ZDHHC19: variants seen among roughly 807,000 people sequenced by gnomAD.
The protein encoded by ZDHHC19 is zDHHC palmitoyltransferase 19, also known as palmitoyltransferase ZDHHC19.
In ZDHHC19, 30 loss-of-function variants were observed where a neutral mutation model predicts 33.9. The ratio of observed to expected loss-of-function variants is 0.88; its 90% confidence interval spans 0.66 to 1.20. The LOEUF is 1.20. Ranked by LOEUF, ZDHHC19 falls within the 50% of genes most tolerant of loss-of-function variation. ZDHHC19 has a pLI of 0.00. For missense variants in ZDHHC19, 364 were observed against 401.1 expected (o/e 0.91, Z 0.79); for synonymous variants, 178 against 167.6 (o/e 1.06, Z -0.48).
At chr3:196,210,467 G>T in intron 2 of ZDHHC19, 149 bp downstream of exon 2, 1 of 644,344 alleles carries the variant, frequency 1.6e-6, no homozygotes, top group Non-Finnish European at 2.4e-6. Flanking sequence ...AGAGAAGAAA[G>T]AGTGAGCGAG....
intron 7 of ZDHHC19, 105 bp downstream of exon 7, chr3:196,198,171 C>T (rs2108707403): frequency 2.6e-6 from 3 of 1,169,722 alleles, no homozygotes; most frequent in East Asian, 5.9e-5. Context: ...AGCGCTCCAG[C>T]TTCAGGGTCA....
At chr3:196,202,876 T>C (rs1424242353) in intron 5 of ZDHHC19, among the ~76,000 whole-genome samples, 1 of 151,798 alleles carries the variant, frequency 6.6e-6, no homozygotes, top group African/African-American at 2.4e-5. Context: ...GAGAGCAGAG[T>C]AGAGCAGCGG....
chr3:196,206,860 A>T (rs1722776054), intron 5 of ZDHHC19, among the ~76,000 whole-genome samples: 1 of 151,888 alleles, frequency 6.6e-6, no homozygotes, highest in Non-Finnish European at 1.5e-5. Flanking sequence ...TTCTTGCCCC[A>T]GTTAGAATTG....
At position 196,209,478 on chromosome 3, in the gene ZDHHC19, C is replaced by A. The variant is rs777371760; in HGVS notation, c.306G>T (p.Val102=). 1.2e-6 allele frequency: 2 copies of A among 1,612,756 alleles called. No individual in the cohort carries two copies. Among genetic ancestry groups the A allele is most frequent in the Non-Finnish European group, 1.7e-6 (2 of 1,179,678 alleles). Reference sequence around the variant, plus strand: ...GGCGGAAGGCCCCGTGGTTCACCCACACCACGTGCACCGTCAAGGGGCCCT... The same window carrying A: ...GGCGGAAGGCCCCGTGGTTCACCCAAACCACGTGCACCGTCAAGGGGCCCT... ...AEQGPLTVHV[V]WVNHGAFRLQ... The change falls in exon 3 of 8, where the codon GTG becomes GTT. Residue 102 remains valine (V), a synonymous_variant. Transcript: ENST00000296326.
In ZDHHC19 at chr3:196,203,641, G is replaced by C. The variant is rs1473967154; in HGVS notation, c.687+3757C>G. On this transcript the variant is annotated intron_variant, in intron 5 of 7. Coordinates refer to ENST00000296326, the MANE Select transcript of ZDHHC19 (RefSeq NM_001039617.2). This position sits in a 1 kb window ranked among gnomAD's most constrained non-coding sequence, Gnocchi z 4.3. ...GCAGGCCACGTTAGGGTCCCTGGAG[G>C]CTGGAGATCCTGGATCAGGAGGGCA... 4.6e-5 allele frequency among the ~76,000 whole-genome samples: 7 copies of C among 152,226 alleles called. No homozygotes were observed. Among genetic ancestry groups the C allele is most frequent in the Non-Finnish European group, 5.9e-5 (4 of 68,040 alleles).
chr3:196,208,166 C>G (rs1464708110), intron 4 of ZDHHC19, among the ~76,000 whole-genome samples: 3 of 151,906 alleles, frequency 2.0e-5, no homozygotes, highest in Non-Finnish European at 4.4e-5. Flanking sequence ...CCCAAAGTGC[C>G]GGAATTACAG....
At chr3:196,210,822 C>A in intron 1 of ZDHHC19, 85 bp from the exon 2 acceptor site, 1 of 1,519,718 alleles carries the variant, frequency 6.6e-7, no homozygotes, top group South Asian at 1.2e-5. Flanking sequence ...GGTCAGGACC[C>A]ACAGACCTTC....
intron 3 of ZDHHC19, 192 bp from the exon 4 acceptor site, chr3:196,208,752 G>A: frequency 1.6e-6 from 1 of 642,570 alleles, no homozygotes; most frequent in Non-Finnish European, 2.7e-6. Context: ...AGCACAGTTA[G>A]GACTCTGGTA....
chr3:196,210,674 G>A lies in ZDHHC19; in HGVS notation c.210C>T (p.Val70=), dbSNP rs753095233. ...AFPVITGSLF[V]LTFFSLVSLN... The stretch of plus-strand genomic sequence containing the variant: ...GTGAAACAAGACTGAAGAAGGTAAG[G>A]ACAAAGAGGGAGCCTGTGATAACAG... The change falls in exon 2 of 8, where the codon GTC becomes GTT. Residue 70 remains valine (V), a synonymous_variant. Transcript: ENST00000296326. 1 of 1,614,090 alleles carries A rather than the reference G, an allele frequency of 6.2e-7. No individual in the cohort carries two copies. The highest frequency in any genetic ancestry group is 1.1e-5 in the South Asian group (1 of 91,070).
intron 2 of ZDHHC19, 115 bp from the exon 3 acceptor site, chr3:196,209,630 A>G: frequency 7.3e-7 from 1 of 1,364,722 alleles, no homozygotes; most frequent in East Asian, 2.5e-5. Flanking sequence ...GGGCAGGGGA[A>G]CCCCTGTCCC....
chr3:196,208,157 C>T (rs936763466), intron 4 of ZDHHC19, among the ~76,000 whole-genome samples: 35 of 151,990 alleles, frequency 2.3e-4, no homozygotes, highest in African/African-American at 8.5e-4. Context: ...CCTCGGCCTC[C>T]CAAAGTGCCG....
chr3:196,206,886 A>G (rs1044107707), intron 5 of ZDHHC19, among the ~76,000 whole-genome samples: 6 of 151,794 alleles, frequency 4.0e-5, no homozygotes, highest in African/African-American at 1.5e-4. Flanking sequence ...TCTCCATCCT[A>G]TCAACATTCC....
intron 5 of ZDHHC19, among the ~76,000 whole-genome samples, chr3:196,201,776 C>G (rs1722371661): frequency 6.6e-6 from 1 of 152,066 alleles, no homozygotes; most frequent in African/African-American, 2.4e-5. Flanking sequence ...GACTGTCCAC[C>G]TCACTGTCTC....
At chr3:196,207,734 GC>G (rs1207024392) in intron 4 of ZDHHC19, among the ~76,000 whole-genome samples, 1 of 9,766 alleles carries the variant, frequency 1.0e-4, no homozygotes, top group East Asian at 1.3e-3. Context: ...GCCCCGCCCC[GC>G]CCCTGGCCCC....
chr3:196,200,834 G>A (rs1722281966), intron 5 of ZDHHC19, among the ~76,000 whole-genome samples: 1 of 150,950 alleles, frequency 6.6e-6, no homozygotes. Context: ...TTTTTTTGCA[G>A]GAATGGGGTC....
chr3:196,208,728 AT>A, intron 3 of ZDHHC19, 168 bp from the exon 4 acceptor site: 1 of 733,398 alleles, frequency 1.4e-6, no homozygotes, highest in Non-Finnish European at 2.2e-6. Flanking sequence ...TCATGCTGGC[AT>A]TTCCCTTGTT....
rs1217548963 is a variant in ZDHHC19, at chr3:196,197,628, G to A, written c.*117C>T. The A allele has an allele frequency of 6.5e-6, 1 of 152,764 alleles. No homozygotes were observed. The highest frequency in any genetic ancestry group is 2.4e-5 in the African/African-American group (1 of 41,452). 9.5% of individuals were successfully genotyped at this position (152,764 alleles called of 1,614,324 possible). ...GGTTCGGAGGTGAGCTCAGGTGCTG[G>A]TGCTGTGGGCATCTCCGGGTGCACA... On this transcript the variant is annotated 3_prime_UTR_variant, in exon 8 of 8. Transcript: ENST00000296326. This position sits in a 1 kb window ranked among gnomAD's most constrained non-coding sequence, Gnocchi z 4.4.
At chr3:196,198,151 C>CG in intron 7 of ZDHHC19, 125 bp downstream of exon 7, 2 of 964,444 alleles carry the variant, frequency 2.1e-6, no homozygotes, top group Middle Eastern at 3.6e-4. Context: ...CCTCCTCCCC[C>CG]CAAGCTCGGA....
chr3:196,203,703 C>G lies in ZDHHC19; in HGVS notation c.687+3695G>C, dbSNP rs1722530188. On this transcript the variant is annotated intron_variant, in intron 5 of 7. Transcript: ENST00000296326. The surrounding 1 kb of genome is among the most constrained non-coding windows in gnomAD (Gnocchi z 4.3). Reference sequence around the variant, plus strand: ...AGGGGAGGGAGGGCAGGAAGAACCACAGGATGTGAGAAGGGCGAAGGCTGC... The same window carrying G: ...AGGGGAGGGAGGGCAGGAAGAACCAGAGGATGTGAGAAGGGCGAAGGCTGC... Among the ~76,000 whole-genome samples the G allele has an allele frequency of 6.6e-6, 1 of 152,174 alleles. No individual in the cohort carries two copies. The highest frequency in any genetic ancestry group is 1.5e-5 in the Non-Finnish European group (1 of 68,034).
Sources: gnomAD v4.1 joint callset for allele counts (sites outside exome capture counted in the v4.1 genomes callset) on GRCh38, gnomAD v4.1.1 for gene constraint, Gnocchi (gnomAD v3.1) non-coding constraint, MANE v1.5 for transcripts, NCBI Gene and HGNC (gene_info 2026-07-23, HGNC 2026-07-21) for gene names.